Variants in ALPK2 observed in about 807,000 individuals in gnomAD.
ALPK2 encodes alpha-protein kinase 2.
In ALPK2, 127 loss-of-function variants were observed where a neutral mutation model predicts 163.1. That is an observed-to-expected ratio of 0.78 (90% confidence interval 0.67 to 0.90). The LOEUF (loss-of-function observed/expected upper bound fraction) is 0.90. ALPK2 is among the 40% of genes least tolerant of loss of function. The pLI, the probability that ALPK2 is intolerant of heterozygous loss-of-function variation, is 0.00. For missense variants in ALPK2, 2,360 were observed against 2,589.6 expected, an observed-to-expected ratio of 0.91 and a Z score of 1.92; for synonymous variants, 953 against 959.1, an observed-to-expected ratio of 0.99 and a Z score of 0.12.
intron 3 of ALPK2, among the ~76,000 whole-genome samples, chr18:58,588,906 A>G (rs1168772250): frequency 6.6e-6 from 1 of 152,198 alleles, no homozygotes; most frequent in African/African-American, 2.4e-5. Context: ...ATGCGTGCAT[A>G]TATCTTTGTA....
rs1004905892 is a variant in ALPK2, at chr18:58,516,996, G to A, written c.5852C>T (p.Ala1951Val). Residue 1951 changes from alanine (A) to valine (V), a missense_variant, in exon 9 of 13, where the codon GCC becomes GTC. Coordinates refer to ENST00000361673, the MANE Select transcript of ALPK2 (RefSeq NM_052947.4). Reference sequence around the variant, plus strand: ...GGCATTGTGCACCTTAAGCACACAGGCATGGCCAGGTTTGAAGACAGGCAT... The same window carrying A: ...GGCATTGTGCACCTTAAGCACACAGACATGGCCAGGTTTGAAGACAGGCAT... ...GLMPVFKPGHACVLKVHNAIA... is the reference protein window; with the variant it reads ...GLMPVFKPGHVCVLKVHNAIA... 6.2e-7 allele frequency: 1 copy of A among 1,614,200 alleles called. No individual in the cohort carries two copies. The highest frequency in any genetic ancestry group is 1.3e-5 in the African/African-American group (1 of 75,056).
intron 3 of ALPK2, among the ~76,000 whole-genome samples, chr18:58,591,110 T>C (rs1056828099): frequency 6.6e-6 from 1 of 152,230 alleles, no homozygotes; most frequent in Non-Finnish European, 1.5e-5. Context: ...ACTGGGAGTC[T>C]TGACTCCTCC....
intron 12 of ALPK2, among the ~76,000 whole-genome samples, chr18:58,491,473 G>A (rs2051374520): frequency 6.6e-6 from 1 of 152,186 alleles, no homozygotes; most frequent in Non-Finnish European, 1.5e-5. Flanking sequence ...TGGTGCTTGA[G>A]ATGTTTTTCA....
rs771526041 is a variant in ALPK2 at position 58,535,302 on chromosome 18, C to G, written c.4885G>C (p.Glu1629Gln). The change falls in exon 5 of 13, where the codon GAA becomes CAA. Residue 1629 changes from glutamate to glutamine, a missense_variant. By Grantham distance (29) the Glu-to-Gln change is conservative. Transcript: ENST00000361673. ...ATTTGAAGCACCTCTATTTTAGGTT[C>G]CTCCATTTTGTGGCTTATCAAAAAG... Reference protein sequence around the residue: ...TDFLISHKMEEPKIEVLQIGE... With the variant: ...TDFLISHKMEQPKIEVLQIGE... The G allele has an allele frequency of 6.2e-7, 1 of 1,614,136 alleles. No homozygotes were observed. The highest frequency in any genetic ancestry group is 1.1e-5 in the South Asian group (1 of 91,072).
chr18:58,589,070 A>G (rs2052002235), intron 3 of ALPK2, among the ~76,000 whole-genome samples: 1 of 152,204 alleles, frequency 6.6e-6, no homozygotes, highest in South Asian at 2.1e-4. Flanking sequence ...AGAATCATTG[A>G]TTTAAGCTAT....
chr18:58,616,975 G>C lies in ALPK2; in HGVS notation c.-20-5158C>G, dbSNP rs908767543. ...CTGTGGGATCTGACACTATCTCCAGGTGGACAGAGTCAGAACTGAAGCCGA... is the reference window on the plus strand; with the variant it reads ...CTGTGGGATCTGACACTATCTCCAGCTGGACAGAGTCAGAACTGAAGCCGA... On this transcript the variant is annotated intron_variant, in intron 1 of 12. Coordinates refer to ENST00000361673, the MANE Select transcript of ALPK2 (RefSeq NM_052947.4). 2.0e-5 allele frequency among the ~76,000 whole-genome samples: 3 copies of C among 152,130 alleles called. No homozygotes were observed. The East Asian group carries it at 5.8e-4, about 29-fold the overall frequency.
intron 12 of ALPK2, among the ~76,000 whole-genome samples, chr18:58,491,944 G>A (rs563933534): frequency 1.3e-5 from 2 of 152,334 alleles, no homozygotes; most frequent in African/African-American, 2.4e-5. Flanking sequence ...GCCCTGGGTG[G>A]CAGTGAGGGT....
chr18:58,567,853 A>G (rs192886136), intron 4 of ALPK2, among the ~76,000 whole-genome samples: 18 of 152,300 alleles, frequency 1.2e-4, no homozygotes, highest in Admixed American at 1.0e-3. Flanking sequence ...GCAAACTCCA[A>G]GCCCGTGTGT....
intron 6 of ALPK2, among the ~76,000 whole-genome samples, chr18:58,527,427 C>G (rs1039741692): frequency 1.3e-5 from 2 of 152,172 alleles, no homozygotes; most frequent in African/African-American, 2.4e-5. Context: ...GCAAACATCA[C>G]TAGGAATCAA....
intron 1 of ALPK2, among the ~76,000 whole-genome samples, chr18:58,613,142 G>T (rs1490972093): frequency 6.6e-6 from 1 of 152,130 alleles, no homozygotes; most frequent in African/African-American, 2.4e-5. Flanking sequence ...CACTTTTCCA[G>T]ATTGTCTCAG....
chr18:58,596,034 A>G (rs114696205), intron 3 of ALPK2, among the ~76,000 whole-genome samples: 1,826 of 152,250 alleles, frequency 0.012, 42 homozygotes, highest in African/African-American at 0.041. Flanking sequence ...TAGCTGCTCA[A>G]TTTGATCTGA....
chr18:58,521,493 A>G (rs1009096969), intron 8 of ALPK2, among the ~76,000 whole-genome samples: 1 of 151,986 alleles, frequency 6.6e-6, no homozygotes, highest in Non-Finnish European at 1.5e-5. Flanking sequence ...AAATTATAAC[A>G]CATGTATGCT....
Position 58,578,941 on chromosome 18 carries a change from G to C in ALPK2, c.1835C>G (p.Ala612Gly). The change falls in exon 4 of 13, where the codon GCA becomes GGA. Residue 612 changes from alanine to glycine, a missense_variant. Ala to Gly is a moderately conservative substitution (Grantham distance 60, BLOSUM62 0). Transcript: ENST00000361673. ...CAISTQAEQE[A>G]KTLQTSTDSV... is the part of the protein sequence containing the mutation. ...GTCTGTTGAAGTTTGAAGGGTTTTTGCTTCTTGCTCTGCCTGGGTTGAAAT... is the reference window on the plus strand; with the variant it reads ...GTCTGTTGAAGTTTGAAGGGTTTTTCCTTCTTGCTCTGCCTGGGTTGAAAT... 6.2e-7 allele frequency: 1 copy of C among 1,614,146 alleles called. No homozygotes were observed. Among genetic ancestry groups the C allele is most frequent in the Non-Finnish European group, 8.5e-7 (1 of 1,180,024 alleles).
At chr18:58,619,066 C>T (rs528867391) in intron 1 of ALPK2, among the ~76,000 whole-genome samples, 18 of 152,228 alleles carry the variant, frequency 1.2e-4, no homozygotes, top group South Asian at 2.1e-4. Context: ...TTGGACACCG[C>T]ACCCTCTGTC....
intron 4 of ALPK2, among the ~76,000 whole-genome samples, chr18:58,572,059 C>A (rs558176814): frequency 4.6e-5 from 7 of 150,570 alleles, no homozygotes; most frequent in African/African-American, 1.7e-4. Flanking sequence ...AAAATTCAAC[C>A]ATAAAATAAC....
At chr18:58,500,682 T>C (rs1169339093) in intron 11 of ALPK2, among the ~76,000 whole-genome samples, 3 of 152,106 alleles carry the variant, frequency 2.0e-5, no homozygotes, top group African/African-American at 7.2e-5. Context: ...CCCGGCACTT[T>C]GGGAGGCCCA....
At chr18:58,558,151 G>A (rs1271324554) in intron 4 of ALPK2, among the ~76,000 whole-genome samples, 1 of 152,098 alleles carries the variant, frequency 6.6e-6, no homozygotes, top group African/African-American at 2.4e-5. Context: ...ATTTTAATAG[G>A]TTTGGAACAA....
intron 4 of ALPK2, among the ~76,000 whole-genome samples, chr18:58,554,974 C>T (rs2051782374): frequency 6.6e-6 from 1 of 152,316 alleles, no homozygotes; most frequent in Non-Finnish European, 1.5e-5. Flanking sequence ...CGCCATGTAA[C>T]ATATGGCTTT....
rs565282974 is a variant in ALPK2 at position 58,622,695 on chromosome 18, G to A, written c.-21+6069C>T. On this transcript the variant is annotated intron_variant, in intron 1 of 12. Coordinates refer to ENST00000361673, the MANE Select transcript of ALPK2 (RefSeq NM_052947.4). ...TTGAATGTCATGGGCCGACTGCTCT[G>A]TCCAGTCTAGGAATGTGTCGTCAAT... Among the ~76,000 whole-genome samples the A allele has an allele frequency of 2.4e-4, 37 of 152,294 alleles. No homozygotes were observed. In the South Asian group the frequency reaches 3.1e-3, roughly 13 times the overall value.
Sources: allele counts gnomAD v4.1 joint callset (sites outside exome capture counted in the v4.1 genomes callset), GRCh38; gene constraint gnomAD v4.1.1; transcripts MANE v1.5; gene names NCBI Gene and HGNC (gene_info 2026-07-23, HGNC 2026-07-21).